MOB3A: variants seen among roughly 807,000 people sequenced by gnomAD.
The protein encoded by MOB3A is MOB kinase activator 3A, also known as MOB LAK.
In MOB3A, 17 loss-of-function variants were observed where a neutral mutation model predicts 17.8. That is an observed-to-expected ratio of 0.95 (90% CI 0.65 to 1.43). The LOEUF (loss-of-function observed/expected upper bound fraction) is 1.43, where lower values mean the gene tolerates loss of function less well. Ranked by LOEUF, MOB3A falls within the 40% of genes most tolerant of loss-of-function variation. The pLI is 0.00. For synonymous variants in MOB3A, 124 were observed against 133.2 expected, an observed-to-expected ratio of 0.93 and a Z score of 0.48; for missense variants, 333 against 310.8, an observed-to-expected ratio of 1.07 and a Z score of -0.54.
At chr19:2,073,750 G>C (rs2017369647) in intron 4 of MOB3A, among the ~76,000 whole-genome samples, 1 of 152,192 alleles carries the variant, frequency 6.6e-6, no homozygotes, top group Non-Finnish European at 1.5e-5. Flanking sequence ...TGTATTTACA[G>C]CCAGGCTTGG....
Position 2,078,536 on chromosome 19 carries a change from C to T in MOB3A, c.25G>A (p.Val9Ile). ...CGGAATGTCTTGTCCTTGTTGAAGA[C>T]TTGCTTCAGGAAGGGGTTGGACATC... MSNPFLKQVFNKDKTFRPK... is the reference protein window; with the variant it reads MSNPFLKQIFNKDKTFRPK... The change falls in exon 3 of 5, where the codon GTC becomes ATC. Residue 9 changes from valine (V) to isoleucine (I), a missense_variant. Physicochemically the swap from Val to Ile is conservative, Grantham distance 29. Transcript: ENST00000357066. 1 of 1,583,290 alleles carries T rather than the reference C, an allele frequency of 6.3e-7. No individual in the cohort carries two copies. The highest frequency in any genetic ancestry group is 8.6e-7 in the Non-Finnish European group (1 of 1,160,414).
At chr19:2,074,267 A>C (rs181151880) in intron 4 of MOB3A, among the ~76,000 whole-genome samples, 19 of 151,922 alleles carry the variant, frequency 1.3e-4, no homozygotes, top group Admixed American at 8.5e-4. Context: ...AACAAACAAA[A>C]AAACCCCAGA....
chr19:2,088,539 C>T (rs2017578585), intron 1 of MOB3A, among the ~76,000 whole-genome samples: 1 of 152,152 alleles, frequency 6.6e-6, no homozygotes, highest in Non-Finnish European at 1.5e-5. Context: ...GCGATCTTGG[C>T]TCACTGCAAC....
At position 2,082,583 on chromosome 19, in the gene MOB3A, G is replaced by A. The variant is rs12461951; in HGVS notation, c.-120+2592C>T. Among the ~76,000 whole-genome samples, 20,125 of 152,128 alleles carry A rather than the reference G, an allele frequency of 0.13. 1,528 individuals carry two copies. The highest frequency in any genetic ancestry group is 0.18 in the South Asian group (870 of 4,824). On this transcript the variant is annotated intron_variant, in intron 2 of 4. Transcript: ENST00000357066. This position sits in a 1 kb window ranked among gnomAD's most constrained non-coding sequence, Gnocchi z 4.1. Reference sequence around the variant, plus strand: ...CCTGGACTCTGTGGGTGAAGCCACCGCTCTTTCTGCCCCACAACTCCCTAA... The same window carrying A: ...CCTGGACTCTGTGGGTGAAGCCACCACTCTTTCTGCCCCACAACTCCCTAA...
chr19:2,083,191 C>T (rs866770403), intron 2 of MOB3A, among the ~76,000 whole-genome samples: 1 of 152,206 alleles, frequency 6.6e-6, no homozygotes, highest in Non-Finnish European at 1.5e-5. Flanking sequence ...GCAGCCCAGC[C>T]TCAGACCCTC....
intron 1 of MOB3A, among the ~76,000 whole-genome samples, chr19:2,094,810 TTTA>T (rs1375216007): frequency 6.6e-6 from 1 of 152,242 alleles, no homozygotes; most frequent in Non-Finnish European, 1.5e-5. Flanking sequence ...ATACGGGCAG[TTTA>T]TTGCATGTCA....
At position 2,071,167 on chromosome 19, in the gene MOB3A, G is replaced by A. The variant is rs1599398507; in HGVS notation, c.*2228C>T. On this transcript the variant is annotated 3_prime_UTR_variant, in exon 5 of 5. Coordinates refer to ENST00000357066, the MANE Select transcript of MOB3A (RefSeq NM_130807.3). ...CCTCCCCGAGCCCACCTGGGAAGCT[G>A]CGTGGCCGGGCTGCTGGAGACATCC... 2 of 152,214 alleles carry A rather than the reference G, an allele frequency of 1.3e-5. No homozygotes were observed. The highest frequency in any genetic ancestry group is 4.8e-5 in the African/African-American group (2 of 41,450). The allele number at this position is 152,214 out of a possible 1,614,324, so 9.4% of individuals were successfully genotyped here.
At chr19:2,079,999 C>T (rs962734176) in intron 2 of MOB3A, among the ~76,000 whole-genome samples, 3 of 152,190 alleles carry the variant, frequency 2.0e-5, no homozygotes, top group South Asian at 2.1e-4. Context: ...CCGCACAGGG[C>T]GGAGGGGCGA....
chr19:2,088,659 A>G (rs2240603), intron 1 of MOB3A, among the ~76,000 whole-genome samples: 73,411 of 151,760 alleles, frequency 0.48, 18,722 homozygotes, highest in African/African-American at 0.65. Flanking sequence ...TAGTAGAGAC[A>G]GGGTTTCACC....
At chr19:2,085,888 C>T (rs565024704) in intron 1 of MOB3A, among the ~76,000 whole-genome samples, 9 of 133,308 alleles carry the variant, frequency 6.8e-5, no homozygotes, top group South Asian at 2.7e-4. Flanking sequence ...GGCCTGAACC[C>T]GGGAGGCAGA....
At chr19:2,084,062 G>A (rs772564790) in intron 2 of MOB3A, 7 of 446,170 alleles carry the variant, frequency 1.6e-5, no homozygotes, top group Non-Finnish European at 3.2e-5. Flanking sequence ...GTGAGCCACC[G>A]TGCCTGGCTG....
intron 1 of MOB3A, among the ~76,000 whole-genome samples, chr19:2,091,939 G>C (rs1047704881): frequency 7.3e-5 from 11 of 150,480 alleles, no homozygotes; most frequent in African/African-American, 2.7e-4. Flanking sequence ...GGAGGTTGCA[G>C]TGAGCCGAGA....
intron 4 of MOB3A, among the ~76,000 whole-genome samples, chr19:2,073,860 G>A (rs956986766): frequency 2.6e-5 from 4 of 152,064 alleles, no homozygotes; most frequent in African/African-American, 4.8e-5. Context: ...GTGAAATCCT[G>A]TCTCTACTAA....
chr19:2,078,039 C>T, intron 3 of MOB3A, 101 bp downstream of exon 3: 2 of 1,255,532 alleles, frequency 1.6e-6, no homozygotes, highest in Non-Finnish European at 2.1e-6. Context: ...TGGGCTCGGC[C>T]TCCCAAAGCG....
chr19:2,076,156 C>G (rs2017403467), intron 4 of MOB3A, among the ~76,000 whole-genome samples: 1 of 145,706 alleles, frequency 6.9e-6, no homozygotes. Flanking sequence ...AGGCCAGGCA[C>G]AGTGGCTCCC....
Position 2,076,902 on chromosome 19 carries a change from C to A in MOB3A, c.533G>T (p.Gly178Val). The change falls in exon 4 of 5, where the codon GGC becomes GTC. Residue 178 changes from glycine (G) to valine (V), a missense_variant. Coordinates refer to ENST00000357066, the MANE Select transcript of MOB3A (RefSeq NM_130807.3). The part of the protein sequence containing the change: ...IHHFDRIAQM[G>V]SEAHVNTCYK... Reference sequence around the variant, plus strand: ...GCAGGTGTTCACGTGGGCCTCGGAGCCCATCTGCGCGATGCGGTCAAAGTG... The same window carrying A: ...GCAGGTGTTCACGTGGGCCTCGGAGACCATCTGCGCGATGCGGTCAAAGTG... The A allele has an allele frequency of 1.2e-6, 2 of 1,614,052 alleles. No individual in the cohort carries two copies. The highest frequency in any genetic ancestry group is 1.7e-6 in the Non-Finnish European group (2 of 1,180,030).
chr19:2,083,111 G>C (rs371501389), intron 2 of MOB3A, among the ~76,000 whole-genome samples: 3 of 152,172 alleles, frequency 2.0e-5, no homozygotes, highest in African/African-American at 7.2e-5. Context: ...CCTCTCAAGG[G>C]GCTGAGATCA....
chr19:2,088,843 TCCTCCCACCTTGG>T (rs2144936125), intron 1 of MOB3A, among the ~76,000 whole-genome samples: 1 of 152,278 alleles, frequency 6.6e-6, no homozygotes, highest in African/African-American at 2.4e-5. Context: ...CCTCGAGCAG[TCCTCCCACCTTGG>T]CCTCCCAAAG....
At chr19:2,089,699 TC>T (rs1242670037) in intron 1 of MOB3A, among the ~76,000 whole-genome samples, 4 of 152,020 alleles carry the variant, frequency 2.6e-5, no homozygotes, top group African/African-American at 9.7e-5. Context: ...GGAGCTGAGG[TC>T]CCCTGGTTTA....
Sources: allele counts gnomAD v4.1 joint callset (sites outside exome capture counted in the v4.1 genomes callset), GRCh38; gene constraint gnomAD v4.1.1; non-coding constraint Gnocchi (gnomAD v3.1); transcripts MANE v1.5; gene names NCBI Gene and HGNC (gene_info 2026-07-23, HGNC 2026-07-21).